IQGAP1: variants seen among roughly 807,000 people sequenced by gnomAD.
IQGAP1 encodes IQ motif containing GTPase activating protein 1.
In IQGAP1, 66 loss-of-function variants were observed where a neutral mutation model predicts 215.6. The observed-to-expected ratio is 0.31, with a 90% CI of 0.25 to 0.38. The LOEUF is 0.38. Ranked by LOEUF, IQGAP1 falls within the 10% of genes least tolerant of loss-of-function variation. The probability of loss-of-function intolerance (pLI) is 1.00; values close to 1 mark genes in which losing one functional copy is unlikely to be tolerated. For missense variants in IQGAP1, 1,712 were observed against 1,997.1 expected, an observed-to-expected ratio of 0.86 and a Z score of 2.72; for synonymous variants, 772 against 728.7, an observed-to-expected ratio of 1.06 and a Z score of -0.96.
chr15:90,479,576 TAAA>T (rs34325733), intron 26 of IQGAP1, among the ~76,000 whole-genome samples: 15 of 132,630 alleles, frequency 1.1e-4, no homozygotes, highest in Non-Finnish European at 1.6e-4. Context: ...TGTCCCTACT[TAAA>T]AAAAAAAAAA....
In IQGAP1 at chr15:90,450,330, CTTTTTTTTTTTTTTT is replaced by C. The variant is rs869037347; in HGVS notation, c.1162+706_1162+720del. On this transcript the variant is annotated intron_variant, in intron 11 of 37. Coordinates refer to ENST00000268182, the MANE Select transcript of IQGAP1 (RefSeq NM_003870.4). ...ATATTCCATTATGTGTATACACTAC[CTTTTTTTTTTTTTTT>C]TTTTTTTTTTTTTTTTTTACCATTT... Among the ~76,000 whole-genome samples, 173 of 54,460 alleles carry C rather than the reference CTTTTTTTTTTTTTTT, an allele frequency of 3.2e-3. 1 individual carries two copies. Among genetic ancestry groups the C allele is most frequent in the Non-Finnish European group, 4.8e-3 (152 of 31,398 alleles). 35.7% of individuals were successfully genotyped at this position (54,460 alleles called of 152,430 possible).
At position 90,403,265 on chromosome 15, in the gene IQGAP1, G is replaced by A. The variant is rs17261301; in HGVS notation, c.155+12392G>A. Among the ~76,000 whole-genome samples, 643 of 152,306 alleles carry A rather than the reference G, an allele frequency of 4.2e-3. 2 individuals carry two copies. The highest frequency in any genetic ancestry group is 6.8e-3 in the Middle Eastern group (2 of 294). On this transcript the variant is annotated intron_variant, in intron 2 of 37. Transcript: ENST00000268182. ...CACAAAAATGTGTTTCTTCCCTGAA[G>A]ACATGCTATGTCATTAGTTTGGGCA...
Position 90,473,933 on chromosome 15 carries a change from G to A in IQGAP1, c.2471G>A (p.Arg824His), listed in dbSNP as rs569854403. The change falls in exon 21 of 38, where the codon CGC (arginine) becomes CAC (histidine). Residue 824 changes from arginine (R) to histidine (H), a missense_variant. Physicochemically the swap from Arg to His is conservative, Grantham distance 29. Around this residue, in one of 2 missense-constraint regions of IQGAP1, gnomAD observed 1,021 missense variants for 1,074.2 expected, o/e 0.95. Transcript: ENST00000268182. ...SLARMHQARK[R>H]YRDRLQYFRD... ...GCAAGGATGCACCAAGCTCGAAAGC[G>A]CTATCGAGATCGCCTGCAGTACTTC... is the stretch of plus-strand genomic sequence containing the variant. 128 of 1,614,000 alleles carry A rather than the reference G, an allele frequency of 7.9e-5. 3 individuals are homozygous for A. The East Asian group carries it at 2.3e-3, about 29-fold the overall frequency.
At position 90,484,343 on chromosome 15, in the gene IQGAP1, C is replaced by T. The variant is rs779683596; in HGVS notation, c.3912C>T (p.Asn1304=). The T allele has an allele frequency of 6.2e-7, 1 of 1,610,350 alleles. No individual in the cohort carries two copies. The highest frequency in any genetic ancestry group is 1.7e-5 in the Admixed American group (1 of 59,826). The change falls in exon 30 of 38, where the codon AAC becomes AAT. Residue 1304 remains asparagine, a synonymous_variant. Transcript: ENST00000268182. ...VIYISIGEII[N]THTLLLDHQD... is the part of the protein sequence containing the mutation. ...ACATTTCCATTGGTGAAATCATCAA[C>T]ACCCACACTGTAAGTATTTTTCTTT...
chr15:90,391,761 T>G (rs188506831), intron 2 of IQGAP1: 1 of 152,354 alleles, frequency 6.6e-6, no homozygotes, highest in Admixed American at 6.5e-5. Context: ...TTGTTATCAG[T>G]GATTCATTTC....
intron 36 of IQGAP1, among the ~76,000 whole-genome samples, chr15:90,496,484 C>G (rs1021733017): frequency 6.6e-6 from 1 of 151,828 alleles, no homozygotes; most frequent in African/African-American, 2.4e-5. Flanking sequence ...TGCCACTATG[C>G]CCAGCTAATT....
intron 35 of IQGAP1, 181 bp from the exon 36 acceptor site, chr15:90,494,532 C>T: frequency 1.0e-5 from 4 of 385,446 alleles, no homozygotes; most frequent in South Asian, 5.0e-5. Context: ...GTAATATTTC[C>T]CCTGTTTTGC....
At chr15:90,481,205 C>A (rs1293469639) in intron 26 of IQGAP1, among the ~76,000 whole-genome samples, 2 of 151,510 alleles carry the variant, frequency 1.3e-5, no homozygotes, top group African/African-American at 4.9e-5. Flanking sequence ...TGGTTCCAGC[C>A]TCTGCCTTTG....
At chr15:90,452,668 A>G in intron 11 of IQGAP1, 107 bp from the exon 12 acceptor site, 2 of 1,306,642 alleles carry the variant, frequency 1.5e-6, no homozygotes, top group Non-Finnish European at 2.1e-6. Flanking sequence ...TTCAAACTTC[A>G]TGGCTGATAG....
At chr15:90,489,125 CTTTTT>C (rs58123122) in intron 33 of IQGAP1, among the ~76,000 whole-genome samples, 1 of 136,184 alleles carries the variant, frequency 7.3e-6, no homozygotes, top group African/African-American at 2.7e-5. Flanking sequence ...ACCCTTGTTT[CTTTTT>C]TTTTTTTTTT....
chr15:90,480,875 C>T (rs1391959761), intron 26 of IQGAP1, among the ~76,000 whole-genome samples: 2 of 152,128 alleles, frequency 1.3e-5, no homozygotes, highest in East Asian at 3.9e-4. Context: ...TCCATGTTGG[C>T]CAGGCTGGTC....
chr15:90,460,805 G>C (rs908803286), intron 15 of IQGAP1, among the ~76,000 whole-genome samples: 1 of 151,822 alleles, frequency 6.6e-6, no homozygotes, highest in African/African-American at 2.4e-5. Flanking sequence ...TTGAGACCAG[G>C]CTGGGCAAGA....
In IQGAP1 at chr15:90,456,226, A is replaced by T. The variant is rs1965678112; in HGVS notation, c.1687A>T (p.Ile563Phe). The change falls in exon 15 of 38, where the codon ATT (isoleucine) becomes TTT (phenylalanine). Residue 563 changes from isoleucine to phenylalanine, a missense_variant. By Grantham distance (21) the Ile-to-Phe change is conservative. This residue lies in a region of IQGAP1 where 1,021 missense variants were observed against 1,074.2 expected (regional missense o/e 0.95). Transcript: ENST00000268182. ...DAQKTLQALQ[I>F]PAAKLEGVLA... The stretch of plus-strand genomic sequence containing the variant: ...CCAAAAGACTCTGCAGGCCCTACAG[A>T]TTCCTGCAGCTAAACTTGAGGGAGT... The T allele has an allele frequency of 1.9e-6, 3 of 1,613,944 alleles. No homozygotes were observed. Among genetic ancestry groups the T allele is most frequent in the Non-Finnish European group, 2.5e-6 (3 of 1,179,924 alleles).
chr15:90,467,369 A>G, intron 17 of IQGAP1, 81 bp from the exon 18 acceptor site: 1 of 1,403,000 alleles, frequency 7.1e-7, no homozygotes, highest in Non-Finnish European at 9.6e-7. Context: ...TGTGAGACTA[A>G]CTAATAATCC....
chr15:90,474,509 T>C lies in IQGAP1; in HGVS notation c.2600T>C (p.Val867Ala). The change falls in exon 23 of 38, where the codon GTT becomes GCT. Residue 867 changes from valine (V) to alanine (A), a missense_variant. By Grantham distance (64) the Val-to-Ala change is moderately conservative (BLOSUM62 0). Transcript: ENST00000268182. Reference protein sequence around the residue: ...TLINAEDPPMVVVRKFVHLLD... With the variant: ...TLINAEDPPMAVVRKFVHLLD... ...GTCAATGCTGAGGATCCTCCTATGGTTGTGGTCCGAAAATTTGTCCACCTG... is the reference window on the plus strand; with the variant it reads ...GTCAATGCTGAGGATCCTCCTATGGCTGTGGTCCGAAAATTTGTCCACCTG... The C allele has an allele frequency of 6.2e-7, 1 of 1,614,088 alleles. No homozygotes were observed. Among genetic ancestry groups the C allele is most frequent in the Admixed American group, 1.7e-5 (1 of 60,026 alleles).
At chr15:90,492,502 G>C (rs749966240) in intron 34 of IQGAP1, 43 bp from the exon 35 acceptor site, 2 of 1,454,976 alleles carry the variant, frequency 1.4e-6, no homozygotes, top group East Asian at 2.5e-5. Context: ...AAATGATAAT[G>C]ATAACTGTCG....
intron 37 of IQGAP1, among the ~76,000 whole-genome samples, chr15:90,499,467 G>A (rs1250872793): frequency 1.4e-4 from 22 of 152,068 alleles, no homozygotes; most frequent in African/African-American, 9.7e-5. Flanking sequence ...CCTTGCCTTC[G>A]GGATAGAAAG....
At position 90,417,468 on chromosome 15, in the gene IQGAP1, G is replaced by C. The variant is rs544575180; in HGVS notation, c.156-8642G>C. 2.2e-3 allele frequency among the ~76,000 whole-genome samples: 339 copies of C among 152,212 alleles called. 1 individual carries two copies. The highest frequency in any genetic ancestry group is 7.7e-3 in the African/African-American group (321 of 41,528). ...AGCACCATTTATTAAATAGGGAATC[G>C]TTTCCCCATTTCTTGTTTTGGTCAG... is the stretch of plus-strand genomic sequence containing the variant. On this transcript the variant is annotated intron_variant, in intron 2 of 37. Coordinates refer to ENST00000268182, the MANE Select transcript of IQGAP1 (RefSeq NM_003870.4).
In IQGAP1 at chr15:90,449,544, C is replaced by A. The variant is rs754244802; in HGVS notation, c.1078-15C>A. 1 of 1,603,966 alleles carries A rather than the reference C, an allele frequency of 6.2e-7. No individual in the cohort carries two copies. Among genetic ancestry groups the A allele is most frequent in the Non-Finnish European group, 8.5e-7 (1 of 1,174,686 alleles). On this transcript the variant is annotated splice_polypyrimidine_tract_variant and intron_variant, in intron 10 of 37. Transcript: ENST00000268182. ...GAATGAGTAATCTTTACATAATTTT[C>A]TTTGCTTTGCTCAGAGTGGTCAGAC...
Sources: allele counts gnomAD v4.1 joint callset (sites outside exome capture counted in the v4.1 genomes callset), GRCh38; gene constraint gnomAD v4.1.1; regional missense constraint gnomAD v4.1.1; transcripts MANE v1.5; gene names NCBI Gene and HGNC (gene_info 2026-07-23, HGNC 2026-07-21).